The following ASIC2 variants were observed in gnomAD, a reference collection of about 807,000 sequenced individuals.
ASIC2 encodes the protein acid-sensing ion channel 2.
ASIC2 carries 25 observed loss-of-function variants against 57.3 expected under a neutral mutation model. The observed-to-expected ratio is 0.44, with a 90% CI of 0.32 to 0.61. The LOEUF (loss-of-function observed/expected upper bound fraction) is 0.61. ASIC2 is among the 20% of genes least tolerant of loss of function. ASIC2 has a pLI of 0.06. For synonymous variants in ASIC2, 319 were observed against 307.5 expected (o/e 1.04, Z -0.39); for missense variants, 641 against 738.1 (o/e 0.87, Z 1.52).
At chr17:34,112,457 CAAAAAAA>C (rs35815808) in intron 1 of ASIC2, among the ~76,000 whole-genome samples, 5 of 79,994 alleles carry the variant, frequency 6.3e-5, no homozygotes, top group African/African-American at 1.3e-4. Flanking sequence ...CAAGACAGGC[CAAAAAAA>C]AAAAAAAAAG....
chr17:33,625,024 C>A (rs916950872), intron 1 of ASIC2, among the ~76,000 whole-genome samples: 1 of 152,178 alleles, frequency 6.6e-6, no homozygotes, highest in African/African-American at 2.4e-5. Context: ...TTGTGTGGAT[C>A]CCTTCTTCCT....
At chr17:34,014,710 C>A (rs1053120552) in intron 1 of ASIC2, among the ~76,000 whole-genome samples, 3 of 152,158 alleles carry the variant, frequency 2.0e-5, no homozygotes, top group Admixed American at 6.5e-5. Flanking sequence ...GAAAACTGAG[C>A]CCTTGAACCT....
At chr17:33,211,331 G>A (rs1255393448) in intron 1 of ASIC2, among the ~76,000 whole-genome samples, 1 of 152,038 alleles carries the variant, frequency 6.6e-6, no homozygotes, top group Non-Finnish European at 1.5e-5. Context: ...CATGTTGATG[G>A]CTTCAAGTCA....
intron 1 of ASIC2, among the ~76,000 whole-genome samples, chr17:33,232,427 ATGGTATGGTATGGTATGGAATGGTATGGT>A (rs1597642313): frequency 6.7e-6 from 1 of 148,492 alleles, no homozygotes; most frequent in East Asian, 2.1e-4. Flanking sequence ...ATGGTATGGT[ATGGTATGGTATGGTATGGAATGGTATGGT>A]ATGGTATGGT....
chr17:33,488,955 G>C (rs1358623963), intron 1 of ASIC2, among the ~76,000 whole-genome samples: 1 of 152,072 alleles, frequency 6.6e-6, no homozygotes, highest in African/African-American at 2.4e-5. Flanking sequence ...GTCTGACCCA[G>C]TAGCATGGGT....
At position 33,071,604 on chromosome 17, in the gene ASIC2, A is replaced by T. The variant is rs140690476; in HGVS notation, c.987+17259T>A. 5.7e-3 allele frequency among the ~76,000 whole-genome samples: 874 copies of T among 152,316 alleles called. 16 individuals are homozygous for T. Among genetic ancestry groups the T allele is most frequent in the African/African-American group, 0.02 (821 of 41,564 alleles). ...CTGCTTCTTTGCATGCCAATCATGGATGCCAGACATCATGATTGGATGCCA... is the reference window on the plus strand; with the variant it reads ...CTGCTTCTTTGCATGCCAATCATGGTTGCCAGACATCATGATTGGATGCCA... On this transcript the variant is annotated intron_variant, in intron 3 of 9. Transcript: ENST00000225823.
At chr17:33,450,440 G>A (rs1277872501) in intron 1 of ASIC2, among the ~76,000 whole-genome samples, 1 of 152,160 alleles carries the variant, frequency 6.6e-6, no homozygotes, top group African/African-American at 2.4e-5. Flanking sequence ...TTGGTTTAGG[G>A]GTGGTCATGT....
chr17:34,109,668 G>A (rs928312684), intron 1 of ASIC2, among the ~76,000 whole-genome samples: 5 of 152,230 alleles, frequency 3.3e-5, no homozygotes, highest in Admixed American at 6.5e-5. Flanking sequence ...GCTTTTAAAC[G>A]GAGTCTCACT....
intron 1 of ASIC2, among the ~76,000 whole-genome samples, chr17:33,803,589 T>TTC (rs1338848357): frequency 6.8e-6 from 1 of 148,110 alleles, no homozygotes; most frequent in African/African-American, 2.5e-5. Context: ...CCCTTTTCTT[T>TTC]TTTTTTTTTT....
intron 1 of ASIC2, among the ~76,000 whole-genome samples, chr17:33,524,447 C>T (rs1914829748): frequency 1.3e-5 from 2 of 152,162 alleles, no homozygotes; most frequent in South Asian, 4.1e-4. Flanking sequence ...AATGAGTTCT[C>T]CCCATACAGG....
At chr17:34,154,615 C>G (rs1904644116) in intron 1 of ASIC2, among the ~76,000 whole-genome samples, 1 of 152,158 alleles carries the variant, frequency 6.6e-6, no homozygotes. Flanking sequence ...AAAAGAACCT[C>G]AGATCAAGAG....
chr17:33,221,746 C>T (rs981418768), intron 1 of ASIC2, among the ~76,000 whole-genome samples: 2 of 152,006 alleles, frequency 1.3e-5, no homozygotes, highest in South Asian at 2.1e-4. Context: ...ACAGGAAAAT[C>T]GTAAGATACT....
chr17:33,051,710 G>C (rs1410232603), intron 3 of ASIC2, among the ~76,000 whole-genome samples: 1 of 152,140 alleles, frequency 6.6e-6, no homozygotes, highest in South Asian at 2.1e-4. Context: ...TCTTGGAGGG[G>C]TTTTATGAGA....
intron 3 of ASIC2, among the ~76,000 whole-genome samples, chr17:33,054,669 G>A (rs115304032): frequency 0.01 from 1,535 of 152,256 alleles, 8 homozygotes; most frequent in Non-Finnish European, 0.013. Flanking sequence ...CGTCTCGGGC[G>A]TTCCAGCACT....
intron 1 of ASIC2, among the ~76,000 whole-genome samples, chr17:34,124,743 T>C (rs748468025): frequency 3.9e-5 from 6 of 152,158 alleles, no homozygotes; most frequent in Non-Finnish European, 8.8e-5. Context: ...TCTTGTGACA[T>C]TCGCACATCA....
chr17:33,159,057 G>T (rs924188582), intron 1 of ASIC2, among the ~76,000 whole-genome samples: 4 of 152,238 alleles, frequency 2.6e-5, no homozygotes, highest in African/African-American at 7.2e-5. Context: ...GTGGTTACCA[G>T]CGAGAGCATT....
chr17:33,878,406 C>T (rs983614550), intron 1 of ASIC2, among the ~76,000 whole-genome samples: 3 of 152,056 alleles, frequency 2.0e-5, no homozygotes, highest in Admixed American at 1.3e-4. Flanking sequence ...GCAGATAAGT[C>T]CTTAAAAGAC....
chr17:34,121,220 C>T (rs550902439), intron 1 of ASIC2, among the ~76,000 whole-genome samples: 3 of 152,236 alleles, frequency 2.0e-5, no homozygotes, highest in Non-Finnish European at 2.9e-5. Flanking sequence ...ATGGCCTTGC[C>T]GATACTTTGA....
chr17:33,837,086 T>C (rs999097208), intron 1 of ASIC2, among the ~76,000 whole-genome samples: 3 of 152,200 alleles, frequency 2.0e-5, no homozygotes, highest in South Asian at 2.1e-4. Flanking sequence ...GAAAGATCAA[T>C]GGGCTTTGGC....
Sources: gnomAD v4.1 joint callset for allele counts (sites outside exome capture counted in the v4.1 genomes callset) on GRCh38, gnomAD v4.1.1 for gene constraint, MANE v1.5 for transcripts, NCBI Gene and HGNC (gene_info 2026-07-23, HGNC 2026-07-21) for gene names.